Variants in GRIA2 observed in about 807,000 individuals in gnomAD.
GRIA2 encodes the protein glutamate ionotropic receptor AMPA type subunit 2.
In GRIA2, 14 loss-of-function variants were observed where a neutral mutation model predicts 97.3. That is an observed-to-expected ratio of 0.14 (90% CI 0.10 to 0.23). GRIA2 has a LOEUF of 0.23. GRIA2 is among the 10% of genes least tolerant of loss of function. GRIA2 has a pLI of 1.00. For missense variants in GRIA2, 558 were observed against 1,069.8 expected, an observed-to-expected ratio of 0.52 and a Z score of 6.67; for synonymous variants, 412 against 387.8, an observed-to-expected ratio of 1.06 and a Z score of -0.73.
At chr4:157,334,321 G>A in intron 9 of GRIA2, 1 of 501,704 alleles carries the variant, frequency 2.0e-6, no homozygotes, top group East Asian at 3.5e-5. Context: ...TTTCTTTAAG[G>A]AACGCTACAG....
chr4:157,328,956 T>A (rs926160800), intron 6 of GRIA2, among the ~76,000 whole-genome samples: 5 of 152,004 alleles, frequency 3.3e-5, no homozygotes, highest in Non-Finnish European at 7.4e-5. Context: ...CTTACTAAGG[T>A]TTTTATGAAG....
At position 157,365,346 on chromosome 4, in the gene GRIA2, C is replaced by G. The variant is rs1048713752; in HGVS notation, c.*1915C>G. On this transcript the variant is annotated 3_prime_UTR_variant, in exon 16 of 16. Transcript: ENST00000264426. Reference sequence around the variant, plus strand: ...GTTTTAATAATAAGTGCTAGAATGACCAAATTGCAGACTAATTGTTTCCAT... The same window carrying G: ...GTTTTAATAATAAGTGCTAGAATGAGCAAATTGCAGACTAATTGTTTCCAT... 6.6e-6 allele frequency: 1 copy of G among 151,988 alleles called. No homozygotes were observed. Among genetic ancestry groups the G allele is most frequent in the Admixed American group, 6.6e-5 (1 of 15,146 alleles). 9.4% of individuals were successfully genotyped at this position (151,988 alleles called of 1,614,324 possible). A position where few individuals can be genotyped will look rare whatever the true frequency, so the allele number is the denominator to read the frequency against.
chr4:157,331,793 A>G (rs1300334693), intron 6 of GRIA2, among the ~76,000 whole-genome samples: 2 of 151,604 alleles, frequency 1.3e-5, no homozygotes, highest in Non-Finnish European at 2.9e-5. Context: ...GTATTTGGAG[A>G]AGACAAAGAT....
chr4:157,333,730 A>G (rs2126934151), intron 8 of GRIA2, among the ~76,000 whole-genome samples: 1 of 152,156 alleles, frequency 6.6e-6, no homozygotes, highest in African/African-American at 2.4e-5. Context: ...CTAAAATGTC[A>G]TTATTTGGAT....
chr4:157,229,774 T>A (rs1305940774), intron 2 of GRIA2, among the ~76,000 whole-genome samples: 1 of 152,174 alleles, frequency 6.6e-6, no homozygotes, highest in African/African-American at 2.4e-5. Flanking sequence ...TAGGGTATTT[T>A]ATTTCTATGA....
At position 157,361,046 on chromosome 4, in the gene GRIA2, A is replaced by G. The variant is rs1736610423; in HGVS notation, c.2328A>G (p.Glu776=). The part of the protein sequence containing the change: ...AVNLAVLKLN[E]QGLLDKLKNK... ...ACCTCGCAGTACTAAAACTGAATGA[A>G]CAAGGCCTGTTGGACAAATTGAAAA... is the stretch of plus-strand genomic sequence containing the variant. The change falls in exon 14 of 16, where the codon GAA becomes GAG. Residue 776 remains glutamate (E), a synonymous_variant. Coordinates refer to ENST00000264426, the MANE Select transcript of GRIA2 (RefSeq NM_001083619.3). This position sits in a 1 kb window ranked among gnomAD's most constrained non-coding sequence, Gnocchi z 5.2. 6.2e-7 allele frequency: 1 copy of G among 1,613,622 alleles called. No homozygotes were observed. Among genetic ancestry groups the G allele is most frequent in the Non-Finnish European group, 8.5e-7 (1 of 1,179,556 alleles).
At position 157,333,281 on chromosome 4, in the gene GRIA2, G is replaced by T. The variant is rs1374137757; in HGVS notation, c.1083G>T (p.Lys361Asn). ...VQVEGLSGNIKFDQNGKRINY... is the reference protein window; with the variant it reads ...VQVEGLSGNINFDQNGKRINY... ...TTGAAGGTCTCTCAGGAAATATAAAGTTTGACCAGAATGGAAAAAGAATAA... is the reference window on the plus strand; with the variant it reads ...TTGAAGGTCTCTCAGGAAATATAAATTTTGACCAGAATGGAAAAAGAATAA... The change falls in exon 8 of 16, where the codon AAG becomes AAT. Residue 361 changes from lysine to asparagine, a missense_variant. Coordinates refer to ENST00000264426, the MANE Select transcript of GRIA2 (RefSeq NM_001083619.3). The T allele has an allele frequency of 6.3e-7, 1 of 1,599,080 alleles. No individual in the cohort carries two copies. The highest frequency in any genetic ancestry group is 8.6e-7 in the Non-Finnish European group (1 of 1,169,500).
At position 157,320,797 on chromosome 4, in the gene GRIA2, G is replaced by A. The variant is rs144333635; in HGVS notation, c.721-641G>A. The stretch of plus-strand genomic sequence containing the variant: ...ATACTATCAAGTTGATAAAATTCAT[G>A]TCAGCACAATATTTGAAATCAATGT... On this transcript the variant is annotated intron_variant, in intron 5 of 15. Transcript: ENST00000264426. 7.3e-3 allele frequency among the ~76,000 whole-genome samples: 1,116 copies of A among 152,140 alleles called. 11 individuals carry two copies. The highest frequency in any genetic ancestry group is 0.024 in the African/African-American group (1,016 of 41,548).
Position 157,363,977 on chromosome 4 carries a change from C to G in GRIA2, c.*546C>G, listed in dbSNP as rs1467535109. The G allele has an allele frequency of 6.4e-6, 1 of 156,314 alleles. No homozygotes were observed. Among genetic ancestry groups the G allele is most frequent in the East Asian group, 1.9e-4 (1 of 5,370 alleles). The allele number at this position is 156,314 out of a possible 1,614,324, so 9.7% of individuals were successfully genotyped here. On this transcript the variant is annotated 3_prime_UTR_variant, in exon 16 of 16. Coordinates refer to ENST00000264426, the MANE Select transcript of GRIA2 (RefSeq NM_001083619.3). ...AAAAAAGGAAAAAAAACATTTAAAA[C>G]TAAAAAATATTTTTAGGTATTTTCA... is the stretch of plus-strand genomic sequence containing the variant.
chr4:157,355,902 A>AATATATATATTAATATATTTATATAT (rs1736280620), intron 12 of GRIA2, among the ~76,000 whole-genome samples: 1 of 71,076 alleles, frequency 1.4e-5, no homozygotes, highest in Non-Finnish European at 2.5e-5. Flanking sequence ...TTTATATATA[A>AATATATATATTAATATATTTATATAT]ATATATATAT....
intron 6 of GRIA2, among the ~76,000 whole-genome samples, chr4:157,328,107 ATTGT>A (rs1222544770): frequency 1.3e-5 from 2 of 152,110 alleles, no homozygotes; most frequent in African/African-American, 4.8e-5. Context: ...TATTGATAAG[ATTGT>A]TTATTTTGTA....
intron 6 of GRIA2, 35 bp downstream of exon 6, chr4:157,321,634 A>T (rs780976323): frequency 6.8e-6 from 10 of 1,478,704 alleles, no homozygotes; most frequent in Middle Eastern, 1.8e-4. Flanking sequence ...TTTTTCTTTC[A>T]TATGTGAGGA....
chr4:157,309,924 G>T (rs1560759349), intron 3 of GRIA2, among the ~76,000 whole-genome samples: 12 of 152,146 alleles, frequency 7.9e-5, no homozygotes, highest in Non-Finnish European at 1.5e-4. Context: ...ATAGCACAGA[G>T]ACCCCCATCC....
At chr4:157,359,765 G>A in intron 12 of GRIA2, 131 bp from the exon 13 acceptor site, 1 of 742,554 alleles carries the variant, frequency 1.3e-6, no homozygotes, top group Non-Finnish European at 2.2e-6. Flanking sequence ...GAAAAAAATT[G>A]TTGAAAGATG....
chr4:157,328,544 C>G (rs1280882255), intron 6 of GRIA2, among the ~76,000 whole-genome samples: 1 of 151,916 alleles, frequency 6.6e-6, no homozygotes, highest in Non-Finnish European at 1.5e-5. Context: ...AGTGGAGAGT[C>G]AGGGAGAGGG....
chr4:157,343,847 A>C (rs1189481485), intron 12 of GRIA2, among the ~76,000 whole-genome samples: 2 of 152,124 alleles, frequency 1.3e-5, no homozygotes, highest in Non-Finnish European at 2.9e-5. Context: ...CTTCAAGTTG[A>C]ATTAAATAAA....
At chr4:157,254,609 C>G (rs1001375419) in intron 2 of GRIA2, among the ~76,000 whole-genome samples, 2 of 151,950 alleles carry the variant, frequency 1.3e-5, no homozygotes, top group African/African-American at 4.8e-5. Flanking sequence ...TGTTAAGAAA[C>G]TGTCAAATTG....
In GRIA2 at chr4:157,342,383, G is replaced by T. The variant is rs1735586105; in HGVS notation, c.2043+921G>T. 8 of 984,808 alleles carry T rather than the reference G, an allele frequency of 8.1e-6. No individual in the cohort carries two copies. In the Admixed American group the frequency reaches 1.9e-4, roughly 23 times the overall value. 61.0% of individuals were successfully genotyped at this position (984,808 alleles called of 1,614,324 possible). A position where few individuals can be genotyped will look rare whatever the true frequency, so the allele number is the denominator to read the frequency against. On this transcript the variant is annotated intron_variant, in intron 12 of 15. Coordinates refer to ENST00000264426, the MANE Select transcript of GRIA2 (RefSeq NM_001083619.3). ...CAGCTGAAGATACTATGGGAGAAAG[G>T]GTTCTGGGAGTGGGGGTGGTAGAAC... is the stretch of plus-strand genomic sequence containing the variant.
intron 2 of GRIA2, among the ~76,000 whole-genome samples, chr4:157,270,136 A>T (rs1053195034): frequency 6.6e-5 from 10 of 152,098 alleles, no homozygotes; most frequent in African/African-American, 2.4e-4. Flanking sequence ...ATAACTTTTA[A>T]TTTCATATGT....
Sources: gnomAD v4.1 joint callset for allele counts (sites outside exome capture counted in the v4.1 genomes callset) on GRCh38, gnomAD v4.1.1 for gene constraint, Gnocchi (gnomAD v3.1) non-coding constraint, MANE v1.5 for transcripts, NCBI Gene and HGNC (gene_info 2026-07-23, HGNC 2026-07-21) for gene names.